The following ANO2 variants were observed in gnomAD, a reference collection of about 807,000 sequenced individuals.
ANO2 encodes anoctamin-2.
A neutral mutation model predicts 124.2 loss-of-function variants in ANO2; 101 were observed. That is an observed-to-expected ratio of 0.81 (90% CI 0.69 to 0.96). The LOEUF is 0.96. Among genes scored for constraint, ANO2 ranks in the 40% least tolerant of loss-of-function variants. The probability of loss-of-function intolerance (pLI) is 0.00; values close to 1 mark genes in which losing one functional copy is unlikely to be tolerated. For missense variants in ANO2, 1,293 were observed against 1,274.5 expected, an observed-to-expected ratio of 1.01 and a Z score of -0.22; for synonymous variants, 486 against 482.5, an observed-to-expected ratio of 1.01 and a Z score of -0.09.
chr12:5,790,565 T>A (rs1432499878), intron 10 of ANO2, among the ~76,000 whole-genome samples: 1 of 152,172 alleles, frequency 6.6e-6, no homozygotes, highest in African/African-American at 2.4e-5. Flanking sequence ...TTAAAACTCA[T>A]CTATGTCGTA....
chr12:5,625,679 C>T (rs1027989147), intron 16 of ANO2, among the ~76,000 whole-genome samples: 3 of 152,126 alleles, frequency 2.0e-5, no homozygotes, highest in Non-Finnish European at 2.9e-5. Context: ...AATCATCCTT[C>T]GAAGTAGCCA....
At chr12:5,865,604 T>A (rs1204765856) in intron 3 of ANO2, among the ~76,000 whole-genome samples, 6 of 151,856 alleles carry the variant, frequency 4.0e-5, no homozygotes, top group African/African-American at 1.2e-4. Context: ...CACACCATCA[T>A]GCCACCACAC....
intron 9 of ANO2, among the ~76,000 whole-genome samples, chr12:5,803,676 C>G (rs1049525567): frequency 2.0e-5 from 3 of 152,180 alleles, no homozygotes; most frequent in African/African-American, 7.2e-5. Flanking sequence ...CATCTACCCC[C>G]ACGCTGCTCC....
chr12:5,617,535 C>T (rs748202754), intron 16 of ANO2, among the ~76,000 whole-genome samples: 15 of 148,296 alleles, frequency 1.0e-4, no homozygotes, highest in Non-Finnish European at 1.8e-4. Flanking sequence ...CACACCGTAC[C>T]ACACCTTCTG....
At chr12:5,749,827 C>T (rs181608795) in intron 11 of ANO2, among the ~76,000 whole-genome samples, 6 of 152,298 alleles carry the variant, frequency 3.9e-5, no homozygotes, top group African/African-American at 1.2e-4. Flanking sequence ...ACTTAGGCGT[C>T]GCGATTACCA....
chr12:5,601,567 G>A (rs557543043), intron 19 of ANO2, among the ~76,000 whole-genome samples: 1 of 152,146 alleles, frequency 6.6e-6, no homozygotes, highest in Non-Finnish European at 1.5e-5. Flanking sequence ...GAGAAGAAAA[G>A]AAGAAAGGAA....
Position 5,587,795 on chromosome 12 carries a change from A to T in ANO2, c.2234-9277T>A, listed in dbSNP as rs139626621. Reference sequence around the variant, plus strand: ...CTGGAGCCAGCCCATCCCCACATCCACTGGCCTGAGGAGGCTCCCCACCCC... The same window carrying T: ...CTGGAGCCAGCCCATCCCCACATCCTCTGGCCTGAGGAGGCTCCCCACCCC... On this transcript the variant is annotated intron_variant, in intron 20 of 24. Coordinates refer to ENST00000682330, the MANE Select transcript of ANO2 (RefSeq NM_001364791.2). Among the ~76,000 whole-genome samples the T allele has an allele frequency of 3.0e-3, 449 of 152,044 alleles. 4 individuals carry two copies. The highest frequency in any genetic ancestry group is 9.9e-3 in the African/African-American group (409 of 41,460).
At position 5,799,547 on chromosome 12, in the gene ANO2, A is replaced by G; in HGVS notation, c.1015T>C (p.Tyr339His). Residue 339 changes from tyrosine (Y) to histidine (H), a missense_variant, in exon 10 of 25, where the codon TAT (tyrosine) becomes CAT (histidine). Physicochemically the swap from Tyr to His is moderately conservative, Grantham distance 83. Transcript: ENST00000682330. ...GGTTGGAACTTATAGAACACTCCATAGCGCGCCCATTCTTGATATAGCAGC... is the reference window on the plus strand; with the variant it reads ...GGTTGGAACTTATAGAACACTCCATGGCGCGCCCATTCTTGATATAGCAGC... Reference protein sequence around the residue: ...RKLLYQEWARYGVFYKFQPID... With the variant: ...RKLLYQEWARHGVFYKFQPID... 2 of 1,613,858 alleles carry G rather than the reference A, an allele frequency of 1.2e-6. No individual in the cohort carries two copies. Among genetic ancestry groups the G allele is most frequent in the Non-Finnish European group, 1.7e-6 (2 of 1,179,766 alleles).
chr12:5,729,097 C>T (rs1950542975), intron 14 of ANO2, among the ~76,000 whole-genome samples: 1 of 152,072 alleles, frequency 6.6e-6, no homozygotes, highest in South Asian at 2.1e-4. Flanking sequence ...AGATATAACA[C>T]AAAAGCATAA....
At chr12:5,842,322 G>T (rs1365391705) in intron 4 of ANO2, among the ~76,000 whole-genome samples, 1 of 152,146 alleles carries the variant, frequency 6.6e-6, no homozygotes, top group African/African-American at 2.4e-5. Context: ...ATATTCATTG[G>T]ATGGTCGGAG....
At chr12:5,824,639 G>A (rs1441479967) in intron 7 of ANO2, among the ~76,000 whole-genome samples, 2 of 152,108 alleles carry the variant, frequency 1.3e-5, no homozygotes, top group African/African-American at 4.8e-5. Flanking sequence ...CCTCCAAACT[G>A]TTCCAACCTC....
chr12:5,755,178 G>T (rs1951540749), intron 10 of ANO2, among the ~76,000 whole-genome samples: 1 of 151,368 alleles, frequency 6.6e-6, no homozygotes, highest in Admixed American at 6.6e-5. Flanking sequence ...TAGTACTCTT[G>T]ATTGGCAGGT....
At chr12:5,683,986 C>T (rs949477266) in intron 14 of ANO2, among the ~76,000 whole-genome samples, 2 of 152,178 alleles carry the variant, frequency 1.3e-5, no homozygotes, top group African/African-American at 4.8e-5. Context: ...AGTGTCCCAA[C>T]ATCTATAATT....
intron 1 of ANO2, among the ~76,000 whole-genome samples, chr12:5,930,883 G>C (rs1211257405): frequency 6.6e-6 from 1 of 152,096 alleles, no homozygotes; most frequent in Non-Finnish European, 1.5e-5. Flanking sequence ...AAATCCATTT[G>C]CATATCCGCC....
chr12:5,897,367 T>C (rs140131890), intron 3 of ANO2, among the ~76,000 whole-genome samples: 2 of 152,144 alleles, frequency 1.3e-5, no homozygotes, highest in Admixed American at 1.3e-4. Flanking sequence ...GGTTAGCACC[T>C]ACTAGAAACC....
At chr12:5,816,584 A>T (rs1023277076) in intron 7 of ANO2, among the ~76,000 whole-genome samples, 8 of 152,244 alleles carry the variant, frequency 5.3e-5, no homozygotes. Context: ...ATACGATTAG[A>T]GCAAGAGTAC....
At chr12:5,709,697 G>C (rs1008258080) in intron 14 of ANO2, among the ~76,000 whole-genome samples, 1 of 152,198 alleles carries the variant, frequency 6.6e-6, no homozygotes, top group Admixed American at 6.5e-5. Flanking sequence ...CAATCCCTTT[G>C]AGAGTCTATT....
At chr12:5,937,912 C>T (rs1412189647) in intron 1 of ANO2, among the ~76,000 whole-genome samples, 1 of 146,688 alleles carries the variant, frequency 6.8e-6, no homozygotes, top group East Asian at 1.9e-4. Flanking sequence ...CTGGGGGTCT[C>T]AGCTACATGT....
At chr12:5,670,455 G>T (rs1947941187) in intron 14 of ANO2, among the ~76,000 whole-genome samples, 2 of 152,070 alleles carry the variant, frequency 1.3e-5, no homozygotes, top group African/African-American at 4.8e-5. Flanking sequence ...TACTGAAGTT[G>T]GATGAAAGAA....
Sources: allele counts gnomAD v4.1 joint callset (sites outside exome capture counted in the v4.1 genomes callset), GRCh38; gene constraint gnomAD v4.1.1; transcripts MANE v1.5; gene names NCBI Gene and HGNC (gene_info 2026-07-23, HGNC 2026-07-21).